NEURL1B: variants seen among roughly 807,000 people sequenced by gnomAD.
The protein encoded by NEURL1B is neuralized E3 ubiquitin protein ligase 1B, also known as E3 ubiquitin-protein ligase NEURL1B.
NEURL1B carries 13 observed loss-of-function variants against 37.4 expected under a neutral mutation model. That is an observed-to-expected ratio of 0.35 (90% confidence interval 0.23 to 0.55). The LOEUF (loss-of-function observed/expected upper bound fraction) is 0.55. NEURL1B is among the 20% of genes least tolerant of loss of function. The probability of loss-of-function intolerance (pLI) is 0.89; values close to 1 mark genes in which losing one functional copy is unlikely to be tolerated. For missense variants in NEURL1B, 790 were observed against 879.2 expected (o/e 0.90, Z 1.28); for synonymous variants, 432 against 426.6 (o/e 1.01, Z -0.16).
At position 172,691,092 on chromosome 5, in the gene NEURL1B, ATCTG is replaced by A. The variant is rs764573790; in HGVS notation, c.*4173_*4176del. 6 of 152,158 alleles carry A rather than the reference ATCTG, an allele frequency of 3.9e-5. No homozygotes were observed. The highest frequency in any genetic ancestry group is 1.9e-4 in the East Asian group (1 of 5,198). The allele number at this position is 152,158 out of a possible 1,614,324, so 9.4% of individuals were successfully genotyped here. On this transcript the variant is annotated 3_prime_UTR_variant, in exon 5 of 5. Coordinates refer to ENST00000369800, the MANE Select transcript of NEURL1B (RefSeq NM_001142651.3). ...CCCTAATGAAACGACTTGTGTGACA[ATCTG>A]TCTGTGCCTTACGAAAGTGTCTGTG...
At chr5:172,680,057 G>T (rs1214733551) in intron 2 of NEURL1B, among the ~76,000 whole-genome samples, 1 of 152,198 alleles carries the variant, frequency 6.6e-6, no homozygotes, top group Non-Finnish European at 1.5e-5. Flanking sequence ...AGCCACGCCT[G>T]TGTGTTCACC....
rs1455696429 is a variant in NEURL1B at position 172,683,846 on chromosome 5, C to T, written c.1005C>T (p.Pro335=). ...VEVGRPGLAA[P]GALAFGITSC... ...TGGGCCGTCCGGGGCTGGCGGCGCC[C>T]GGCGCGCTGGCCTTCGGCATCACGT... Residue 335 remains proline (P), a synonymous_variant, in exon 3 of 5, where the codon CCC becomes CCT. Transcript: ENST00000369800. The surrounding 1 kb of genome is among the most constrained non-coding windows in gnomAD (Gnocchi z 5.6). 6 of 1,332,264 alleles carry T rather than the reference C, an allele frequency of 4.5e-6. No individual in the cohort carries two copies. In the Admixed American group the frequency reaches 1.4e-4, roughly 31 times the overall value. 82.5% of individuals were successfully genotyped at this position (1,332,264 alleles called of 1,614,324 possible). A position where few individuals can be genotyped will look rare whatever the true frequency, so the allele number is the denominator to read the frequency against.
At position 172,683,720 on chromosome 5, in the gene NEURL1B, G is replaced by T. The variant is rs1355520215; in HGVS notation, c.879G>T (p.Ser293=). 2.2e-6 allele frequency: 3 copies of T among 1,356,674 alleles called. No homozygotes were observed. The African/African-American group carries it at 4.7e-5, about 21-fold the overall frequency. The allele number at this position is 1,356,674 out of a possible 1,614,324, so 84.0% of individuals were successfully genotyped here. ...CACGCGGGCCCGACGTGAGCCTGTC[G>T]GCCGACCGCAAAGTGGCCTGCGCAC... ...HATRGPDVSL[S]ADRKVACAPR... The change falls in exon 3 of 5, where the codon TCG becomes TCT. Residue 293 remains serine (S), a synonymous_variant. Coordinates refer to ENST00000369800, the MANE Select transcript of NEURL1B (RefSeq NM_001142651.3). The surrounding 1 kb of genome is among the most constrained non-coding windows in gnomAD (Gnocchi z 5.6).
rs1758561402 is a variant in NEURL1B at position 172,688,587 on chromosome 5, TTCC to T, written c.*1668_*1670del. 1 of 152,190 alleles carries T rather than the reference TTCC, an allele frequency of 6.6e-6. No homozygotes were observed. Among genetic ancestry groups the T allele is most frequent in the East Asian group, 1.9e-4 (1 of 5,188 alleles). The allele number at this position is 152,190 out of a possible 1,614,324, so 9.4% of individuals were successfully genotyped here. ...GCTGCTGGTGGTTTGGGGCCTCCTG[TTCC>T]TCCTCTAGCTGGGAGTAATCACAGT... On this transcript the variant is annotated 3_prime_UTR_variant, in exon 5 of 5. Transcript: ENST00000369800. This position sits in a 1 kb window ranked among gnomAD's most constrained non-coding sequence, Gnocchi z 4.3.
At position 172,669,798 on chromosome 5, in the gene NEURL1B, G is replaced by C. The variant is rs1439207430; in HGVS notation, c.45G>C (p.Pro15=). The C allele has an allele frequency of 1.6e-6, 2 of 1,274,098 alleles. No individual in the cohort carries two copies. The highest frequency in any genetic ancestry group is 2.5e-5 in the South Asian group (1 of 39,480). The allele number at this position is 1,274,098 out of a possible 1,614,324, so 78.9% of individuals were successfully genotyped here. Residue 15 remains proline, a synonymous_variant, in exon 2 of 5, where the codon CCG becomes CCC. Transcript: ENST00000369800. ...GTCTTTCCGCAGACCCGAGCCCACC[G>C]GCGCGCCTCCTGGCCACCCGGCCGT... ...VHRTLPDPSP[P]ARLLATRPCC...
chr5:172,663,829 T>TTTTTTATTATTA lies in NEURL1B; in HGVS notation c.32-5954_32-5953insTTTATTATTATT, dbSNP rs138220033. Among the ~76,000 whole-genome samples, 188 of 140,844 alleles carry TTTTTTATTATTA rather than the reference T, an allele frequency of 1.3e-3. 1 individual carries two copies. The highest frequency in any genetic ancestry group is 2.5e-3 in the East Asian group (12 of 4,810). 92.4% of individuals were successfully genotyped at this position (140,844 alleles called of 152,430 possible). ...TTCCTGGCAAAAGAGGTTTTATTTG[T>TTTTTTATTATTA]TTATTATTATTATTATTATTATTAT... On this transcript the variant is annotated intron_variant, in intron 1 of 4. Transcript: ENST00000369800.
chr5:172,683,420 G>C lies in NEURL1B; in HGVS notation c.579G>C (p.Glu193Asp). 7.3e-7 allele frequency: 1 copy of C among 1,365,236 alleles called. No individual in the cohort carries two copies. The highest frequency in any genetic ancestry group is 9.5e-7 in the Non-Finnish European group (1 of 1,052,882). The allele number at this position is 1,365,236 out of a possible 1,614,324, so 84.6% of individuals were successfully genotyped here. ...ATGTCCCTCCCTTTGTCCGCACAGAGAGCGCCTTCGCTGACACGCTGACGC... is the reference window on the plus strand; with the variant it reads ...ATGTCCCTCCCTTTGTCCGCACAGACAGCGCCTTCGCTGACACGCTGACGC... ...YGITDEVQLL[E>D]SAFADTLTPA... The change falls in exon 3 of 5, where the codon GAG becomes GAC. Residue 193 changes from glutamate to aspartate, a missense_variant and splice_region_variant. Glu to Asp is a conservative substitution (Grantham distance 45). Coordinates refer to ENST00000369800, the MANE Select transcript of NEURL1B (RefSeq NM_001142651.3). The surrounding 1 kb of genome is among the most constrained non-coding windows in gnomAD (Gnocchi z 5.6).
At chr5:172,668,004 G>A (rs927518528) in intron 1 of NEURL1B, among the ~76,000 whole-genome samples, 14 of 151,940 alleles carry the variant, frequency 9.2e-5, no homozygotes, top group Admixed American at 7.9e-4. Context: ...CACCCTCCCA[G>A]CTCATTTGCT....
At chr5:172,677,321 G>C (rs905918442) in intron 2 of NEURL1B, among the ~76,000 whole-genome samples, 3 of 152,246 alleles carry the variant, frequency 2.0e-5, no homozygotes, top group African/African-American at 4.8e-5. Context: ...CTGCATGGCC[G>C]CCAGCCTGTC....
Position 172,686,259 on chromosome 5 carries a change from T to C in NEURL1B, c.1386T>C (p.Ser462=). 2 of 1,551,730 alleles carry C rather than the reference T, an allele frequency of 1.3e-6. No homozygotes were observed. The highest frequency in any genetic ancestry group is 2.0e-5 in the Admixed American group (1 of 51,016). ...ATAGTGATTCAGATATGACCTTCAGTGTCAACCAGTCCTCCTCGGCATCTG... is the reference window on the plus strand; with the variant it reads ...ATAGTGATTCAGATATGACCTTCAGCGTCAACCAGTCCTCCTCGGCATCTG... The part of the protein sequence containing the change: ...QDDSDSDMTF[S]VNQSSSASES... The change falls in exon 4 of 5, where the codon AGT becomes AGC. Residue 462 remains serine, a synonymous_variant. Coordinates refer to ENST00000369800, the MANE Select transcript of NEURL1B (RefSeq NM_001142651.3). The surrounding 1 kb of genome is among the most constrained non-coding windows in gnomAD (Gnocchi z 7.9).
chr5:172,663,230 G>C (rs1757937484), intron 1 of NEURL1B, among the ~76,000 whole-genome samples: 1 of 151,724 alleles, frequency 6.6e-6, no homozygotes, highest in East Asian at 1.9e-4. Context: ...AACTTAAAAA[G>C]CCATGGGATT....
Position 172,679,082 on chromosome 5 carries a change from G to A in NEURL1B, c.578-4337G>A, listed in dbSNP as rs374632857. Among the ~76,000 whole-genome samples the A allele has an allele frequency of 4.4e-4, 67 of 152,362 alleles. 1 individual carries two copies. The highest frequency in any genetic ancestry group is 1.6e-3 in the African/African-American group (65 of 41,590). On this transcript the variant is annotated intron_variant, in intron 2 of 4. Coordinates refer to ENST00000369800, the MANE Select transcript of NEURL1B (RefSeq NM_001142651.3). ...GCAGGGAGGCGGGGACATTAGGCCC[G>A]TGGAGACTGAAACTCCAACTTTGGC...
At chr5:172,670,621 C>T (rs1207379731) in intron 2 of NEURL1B, among the ~76,000 whole-genome samples, 3 of 152,222 alleles carry the variant, frequency 2.0e-5, no homozygotes, top group Non-Finnish European at 4.4e-5. Flanking sequence ...TCACTCATTC[C>T]TTCACTTCCT....
intron 2 of NEURL1B, among the ~76,000 whole-genome samples, chr5:172,678,440 G>A (rs942895155): frequency 3.3e-5 from 5 of 152,158 alleles, no homozygotes; most frequent in Non-Finnish European, 7.3e-5. Context: ...CATCTGAGGG[G>A]CATCCCACAC....
rs182863743 is a variant in NEURL1B, at chr5:172,662,550, C to T, written c.32-7235C>T. On this transcript the variant is annotated intron_variant, in intron 1 of 4. Transcript: ENST00000369800. The stretch of plus-strand genomic sequence containing the variant: ...TTTTTCTATGCTCTCATTGCCCCTG[C>T]CAGCAGCCTGAGACAGGGGTCTAAG... 2.0e-5 allele frequency among the ~76,000 whole-genome samples: 3 copies of T among 152,302 alleles called. No homozygotes were observed. The East Asian group carries it at 5.8e-4, about 29-fold the overall frequency.
chr5:172,653,525 G>A (rs1037007495), intron 1 of NEURL1B, among the ~76,000 whole-genome samples: 6 of 152,020 alleles, frequency 3.9e-5, no homozygotes, highest in African/African-American at 9.7e-5. Context: ...AGAAAAACCC[G>A]TCATGTTATT....
rs1355580810 is a variant in NEURL1B at position 172,657,539 on chromosome 5, G to A, written c.32-12246G>A. Reference sequence around the variant, plus strand: ...CTAATATAACCTAGGAATAACCGGTGGGTATAGGGTCAGGTGCTGAAGGGA... The same window carrying A: ...CTAATATAACCTAGGAATAACCGGTAGGTATAGGGTCAGGTGCTGAAGGGA... On this transcript the variant is annotated intron_variant, in intron 1 of 4. Transcript: ENST00000369800. The surrounding 1 kb of genome is among the most constrained non-coding windows in gnomAD (Gnocchi z 4.0). 2.6e-5 allele frequency among the ~76,000 whole-genome samples: 4 copies of A among 152,136 alleles called. No individual in the cohort carries two copies. Among genetic ancestry groups the A allele is most frequent in the Non-Finnish European group, 5.9e-5 (4 of 68,024 alleles).
intron 1 of NEURL1B, among the ~76,000 whole-genome samples, chr5:172,664,811 A>G (rs1757979540): frequency 6.6e-6 from 1 of 152,190 alleles, no homozygotes; most frequent in Non-Finnish European, 1.5e-5. Flanking sequence ...ATCTCACGTC[A>G]GCGCTGTGGT....
chr5:172,682,520 G>A (rs540149765), intron 2 of NEURL1B, among the ~76,000 whole-genome samples: 1 of 152,272 alleles, frequency 6.6e-6, no homozygotes, highest in East Asian at 1.9e-4. Context: ...AGGTTGCAGT[G>A]AGCCGAGATC....
Sources: gnomAD v4.1 joint callset for allele counts (sites outside exome capture counted in the v4.1 genomes callset) on GRCh38, gnomAD v4.1.1 for gene constraint, Gnocchi (gnomAD v3.1) non-coding constraint, MANE v1.5 for transcripts, NCBI Gene and HGNC (gene_info 2026-07-23, HGNC 2026-07-21) for gene names.